DLG2: variants seen among roughly 807,000 people sequenced by gnomAD.
DLG2 encodes the protein discs large MAGUK scaffold protein 2.
In DLG2, 45 loss-of-function variants were observed where a neutral mutation model predicts 132.5. The observed-to-expected ratio is 0.34, with a 90% CI of 0.27 to 0.44. The LOEUF (loss-of-function observed/expected upper bound fraction) is 0.44. DLG2 is among the 20% of genes least tolerant of loss of function. DLG2 has a pLI of 1.00. For missense variants in DLG2, 1,045 were observed against 1,196.9 expected, an observed-to-expected ratio of 0.87 and a Z score of 1.87; for synonymous variants, 424 against 419.6, an observed-to-expected ratio of 1.01 and a Z score of -0.13.
At chr11:85,262,243 G>A (rs114360679) in intron 4 of DLG2, among the ~76,000 whole-genome samples, 43 of 152,292 alleles carry the variant, frequency 2.8e-4, no homozygotes, top group African/African-American at 9.9e-4. Flanking sequence ...TCTGACTAAT[G>A]TAGGCCTCCA....
chr11:84,242,993 T>TTCTCTCTCTCTCTCTCTCTCTCTC (rs145284405), intron 8 of DLG2, among the ~76,000 whole-genome samples: 13 of 125,098 alleles, frequency 1.0e-4, no homozygotes, highest in East Asian at 5.0e-4. Flanking sequence ...ATTAATTAGG[T>TTCTCTCTCTCTCTCTCTCTCTCTC]TCTCTCTCTC....
chr11:83,460,055 TAGTA>T (rs2089597967), intron 27 of DLG2, 131 bp from the exon 28 acceptor site: 4 of 562,750 alleles, frequency 7.1e-6, no homozygotes, highest in Non-Finnish European at 1.3e-5. Context: ...CATTTTTCAT[TAGTA>T]AGAAGAAGCA....
intron 6 of DLG2, among the ~76,000 whole-genome samples, chr11:85,063,296 G>C (rs1471425312): frequency 1.3e-5 from 2 of 151,822 alleles, no homozygotes; most frequent in Non-Finnish European, 2.9e-5. Context: ...AAATCTCAGA[G>C]TTTTGAGTCT....
Position 85,334,727 on chromosome 11 carries a change from T to C in DLG2, c.41-49362A>G, listed in dbSNP as rs114474072. Among the ~76,000 whole-genome samples the C allele has an allele frequency of 2.2e-3, 331 of 152,290 alleles. 1 individual carries two copies. Among genetic ancestry groups the C allele is most frequent in the African/African-American group, 7.7e-3 (321 of 41,562 alleles). On this transcript the variant is annotated intron_variant, in intron 3 of 27. Transcript: ENST00000376104. ...AGATTACTTAATTTCCATATAATTG[T>C]ATTGTTTTGAGATATCTTCTTGGTA...
intron 6 of DLG2, among the ~76,000 whole-genome samples, chr11:84,548,528 G>A (rs944066040): frequency 5.3e-5 from 8 of 151,254 alleles, no homozygotes; most frequent in East Asian, 3.9e-4. Flanking sequence ...AAGAACATGC[G>A]GTGTTTGGTT....
intron 6 of DLG2, among the ~76,000 whole-genome samples, chr11:84,992,237 C>A (rs1202524501): frequency 6.6e-6 from 1 of 152,110 alleles, no homozygotes; most frequent in East Asian, 1.9e-4. Context: ...GAATTGTATG[C>A]CTTCCTCCAA....
chr11:84,967,619 T>G (rs746994143), intron 6 of DLG2, among the ~76,000 whole-genome samples: 19 of 152,278 alleles, frequency 1.2e-4, no homozygotes, highest in Non-Finnish European at 2.2e-4. Flanking sequence ...ACTCATGATG[T>G]GGCAAATGAC....
At chr11:84,302,947 A>G (rs761763307) in intron 7 of DLG2, among the ~76,000 whole-genome samples, 5 of 151,842 alleles carry the variant, frequency 3.3e-5, no homozygotes, top group Non-Finnish European at 7.4e-5. Context: ...AAAAATACAC[A>G]CACAGACAGA....
rs139320850 is a variant in DLG2 at position 85,258,296 on chromosome 11, A to T, written c.186+26924T>A. On this transcript the variant is annotated intron_variant, in intron 4 of 27. Coordinates refer to ENST00000376104, the MANE Select transcript of DLG2 (RefSeq NM_001142699.3). ...TCCCTCTAAAACTGGAATTGAAAAG[A>T]ATAATCTTGTGGTATTTTCTATTAT... Among the ~76,000 whole-genome samples the T allele has an allele frequency of 2.4e-4, 36 of 152,304 alleles. No homozygotes were observed. The East Asian group carries it at 6.8e-3, about 29-fold the overall frequency.
chr11:84,649,326 T>G (rs1197211265), intron 6 of DLG2, among the ~76,000 whole-genome samples: 1 of 152,194 alleles, frequency 6.6e-6, no homozygotes, highest in Non-Finnish European at 1.5e-5. Context: ...AAGGTGGTAA[T>G]AGACCATTAA....
chr11:84,984,582 A>G (rs1409819159), intron 6 of DLG2, among the ~76,000 whole-genome samples: 1 of 138,726 alleles, frequency 7.2e-6, no homozygotes, highest in Non-Finnish European at 1.6e-5. Context: ...TTGAAAAAAA[A>G]AAAAACCTTC....
At chr11:84,115,443 G>A (rs1363128016) in intron 9 of DLG2, among the ~76,000 whole-genome samples, 3 of 151,906 alleles carry the variant, frequency 2.0e-5, no homozygotes, top group African/African-American at 7.3e-5. Context: ...TGCTTTCTTT[G>A]CAACCCTGAG....
intron 3 of DLG2, among the ~76,000 whole-genome samples, chr11:85,521,329 C>G (rs1454524052): frequency 6.6e-6 from 1 of 152,206 alleles, no homozygotes; most frequent in Non-Finnish European, 1.5e-5. Flanking sequence ...ATTCTTCTCT[C>G]TCCTGCCACC....
chr11:84,424,932 T>G (rs2098961623), intron 7 of DLG2, among the ~76,000 whole-genome samples: 1 of 152,030 alleles, frequency 6.6e-6, no homozygotes, highest in Non-Finnish European at 1.5e-5. Context: ...ACAGAATAAA[T>G]AAGAGGGAAA....
At chr11:83,873,085 G>C (rs565515005) in intron 16 of DLG2, among the ~76,000 whole-genome samples, 7 of 152,242 alleles carry the variant, frequency 4.6e-5, no homozygotes, top group African/African-American at 1.7e-4. Flanking sequence ...TGTACAACCA[G>C]TGCTCTCCAC....
intron 11 of DLG2, among the ~76,000 whole-genome samples, chr11:84,048,109 G>C (rs1039817666): frequency 6.6e-6 from 1 of 151,216 alleles, no homozygotes; most frequent in Non-Finnish European, 1.5e-5. Context: ...AAAAGTACCT[G>C]GGAACAAGGT....
chr11:84,907,626 G>C (rs1404939681), intron 6 of DLG2, among the ~76,000 whole-genome samples: 1 of 152,096 alleles, frequency 6.6e-6, no homozygotes, highest in African/African-American at 2.4e-5. Flanking sequence ...GGATAGGAGG[G>C]ATCCACCGAG....
chr11:83,503,412 T>G (rs201232802), intron 21 of DLG2, among the ~76,000 whole-genome samples: 26,869 of 110,276 alleles, frequency 0.24, 4,557 homozygotes, highest in African/African-American at 0.31. Context: ...TATATATATA[T>G]ATATATATAT....
intron 6 of DLG2, among the ~76,000 whole-genome samples, chr11:84,958,359 G>C (rs2052012967): frequency 6.6e-6 from 1 of 152,176 alleles, no homozygotes; most frequent in African/African-American, 2.4e-5. Flanking sequence ...TTGCTTACAT[G>C]GAAGACCAGC....
Sources: allele counts gnomAD v4.1 joint callset (sites outside exome capture counted in the v4.1 genomes callset), GRCh38; gene constraint gnomAD v4.1.1; transcripts MANE v1.5; gene names NCBI Gene and HGNC (gene_info 2026-07-23, HGNC 2026-07-21).